The following RIF1 variants were observed in gnomAD, a reference collection of about 807,000 sequenced individuals.
RIF1 encodes telomere-associated protein RIF1.
Under a neutral mutation model 247.1 loss-of-function variants are expected in RIF1, and 45 were observed. The observed-to-expected ratio is 0.18, with a 90% CI of 0.14 to 0.23. The LOEUF (loss-of-function observed/expected upper bound fraction) is 0.23. Among genes scored for constraint, RIF1 ranks in the 10% least tolerant of loss-of-function variants. The pLI is 1.00. For synonymous variants in RIF1, 1,087 were observed against 978.8 expected (o/e 1.11, Z -2.06); for missense variants, 2,967 against 2,862.5 (o/e 1.04, Z -0.83).
In RIF1 at chr2:151,431,579, C is replaced by T. The variant is rs117174208; in HGVS notation, c.926-1498C>T. On this transcript the variant is annotated intron_variant, in intron 9 of 35. Transcript: ENST00000444746. ...GAGGCGGGCAGATCACCTGAGTTCT[C>T]GAGTTAGAGACCAGCCTGACCAACA... 2.3e-3 allele frequency among the ~76,000 whole-genome samples: 352 copies of T among 152,204 alleles called. 9 individuals are homozygous for T. In the East Asian group the frequency reaches 0.046, roughly 20 times the overall value.
intron 6 of RIF1, among the ~76,000 whole-genome samples, chr2:151,418,968 CTT>C (rs36020810): frequency 0.83 from 92,306 of 111,780 alleles, 38,916 homozygotes; most frequent in South Asian, 0.94. Flanking sequence ...GCCTTAAATT[CTT>C]TTTTTTTTTT....
chr2:151,410,563 C>T, intron 2 of RIF1, 36 bp downstream of exon 2: 2 of 1,510,606 alleles, frequency 1.3e-6, no homozygotes, highest in Non-Finnish European at 1.8e-6. Context: ...GAGAGTGGGG[C>T]GCTCTATAGT....
the RIF1 span, among the ~76,000 whole-genome samples, chr2:151,513,330 C>T: frequency 4.7e-4 from 71 of 152,164 alleles, no homozygotes; most frequent in Non-Finnish European, 1.5e-5. Flanking sequence ...CAAACAGCTA[C>T]TTAATTCCTC....
At chr2:151,507,637 A>C (rs921786014) in intron 13 of RIF1, 7 of 218,926 alleles carry the variant, frequency 3.2e-5, no homozygotes, top group Non-Finnish European at 5.5e-5. Context: ...CCATAAAAAT[A>C]CACATATTTC....
chr2:151,464,450 G>C lies in RIF1; in HGVS notation c.4930G>C (p.Asp1644His), dbSNP rs1696622038. The C allele has an allele frequency of 6.2e-7, 1 of 1,613,676 alleles. No individual in the cohort carries two copies. Among genetic ancestry groups the C allele is most frequent in the Non-Finnish European group, 8.5e-7 (1 of 1,179,908 alleles). ...AACTTCAGATTTGTTGCAAGTTCCT[G>C]ATGATTTACCAAATGTGTGTGAGGA... Reference protein sequence around the residue: ...TVTSDLLQVPDDLPNVCEEKN... With the variant: ...TVTSDLLQVPHDLPNVCEEKN... The change falls in exon 30 of 36, where the codon GAT (aspartate) becomes CAT (histidine). Residue 1644 changes from aspartate (D) to histidine (H), a missense_variant. This residue lies in a region of RIF1 where 2,028 missense variants were observed against 1,825.6 expected (regional missense o/e 1.11). Coordinates refer to ENST00000444746, the MANE Select transcript of RIF1 (RefSeq NM_018151.5).
In RIF1 at chr2:151,462,996, A is replaced by C. The variant is rs768266718; in HGVS notation, c.3476A>C (p.Asp1159Ala). The change falls in exon 30 of 36, where the codon GAC (aspartate) becomes GCC (alanine). Residue 1159 changes from aspartate (D) to alanine (A), a missense_variant. This residue lies in a region of RIF1 where 2,028 missense variants were observed against 1,825.6 expected (regional missense o/e 1.11). Coordinates refer to ENST00000444746, the MANE Select transcript of RIF1 (RefSeq NM_018151.5). ...TCGAATAATGAGTGTGGTTCTCTTG[A>C]CAAAACCAGTCCAGAAATGTCAAAC... is the stretch of plus-strand genomic sequence containing the variant. ...SLSNNECGSL[D>A]KTSPEMSNSN... 5 of 1,614,056 alleles carry C rather than the reference A, an allele frequency of 3.1e-6. No homozygotes were observed. Among genetic ancestry groups the C allele is most frequent in the South Asian group, 1.1e-5 (1 of 91,078 alleles).
intron 21 of RIF1, among the ~76,000 whole-genome samples, chr2:151,454,610 G>A (rs1694896359): frequency 6.6e-6 from 1 of 152,084 alleles, no homozygotes; most frequent in Non-Finnish European, 1.5e-5. Context: ...AGTTTGAGAT[G>A]CATTTTATAA....
At chr2:151,466,724 T>TA (rs371718402) in intron 30 of RIF1, among the ~76,000 whole-genome samples, 3 of 152,278 alleles carry the variant, frequency 2.0e-5, no homozygotes, top group South Asian at 2.1e-4. Context: ...AATGAATGAA[T>TA]AAAAAAATAG....
intron 9 of RIF1, chr2:151,494,155 C>T: frequency 6.3e-7 from 1 of 1,597,904 alleles, no homozygotes; most frequent in Non-Finnish European, 8.5e-7. Context: ...TTTCTCAAGA[C>T]AATACCGAGC....
downstream of RIF1, chr2:151,512,609 T>C: frequency 1.3e-6 from 1 of 778,410 alleles, no homozygotes; most frequent in Non-Finnish European, 2.2e-6. Context: ...CCACTGCACC[T>C]GGTGAATCTC....
intron 11 of RIF1, among the ~76,000 whole-genome samples, chr2:151,502,430 T>C (rs2065416118): frequency 6.6e-6 from 1 of 151,814 alleles, no homozygotes; most frequent in African/African-American, 2.4e-5. Flanking sequence ...AAGAATACAT[T>C]AAACAGCCAC....
the RIF1 span, among the ~76,000 whole-genome samples, chr2:151,513,975 G>A: frequency 6.1e-4 from 93 of 152,262 alleles, no homozygotes; most frequent in African/African-American, 1.9e-3. Flanking sequence ...AAAGTAAATT[G>A]TACATCTAGT....
At chr2:151,429,266 C>T (rs889045626) in intron 9 of RIF1, among the ~76,000 whole-genome samples, 22 of 152,206 alleles carry the variant, frequency 1.4e-4, no homozygotes, top group East Asian at 7.7e-4. Context: ...CTGCGACCCC[C>T]GCCTCCCAGG....
chr2:151,452,071 T>A (rs1051537958), intron 21 of RIF1, among the ~76,000 whole-genome samples: 3 of 152,216 alleles, frequency 2.0e-5, no homozygotes, highest in Non-Finnish European at 2.9e-5. Context: ...ATGTTTTTAT[T>A]TGCAAGCCTG....
intron 21 of RIF1, among the ~76,000 whole-genome samples, chr2:151,452,475 A>G (rs1694483565): frequency 6.6e-6 from 1 of 152,232 alleles, no homozygotes; most frequent in Admixed American, 6.5e-5. Flanking sequence ...AAGATTTGCC[A>G]TTGATGAGTT....
chr2:151,445,233 A>G, intron 18 of RIF1, 105 bp from the exon 19 acceptor site: 1 of 718,892 alleles, frequency 1.4e-6, no homozygotes, highest in Non-Finnish European at 2.5e-6. Flanking sequence ...GAATCTCATC[A>G]TTGGGGAACA....
chr2:151,415,647 G>A (rs542127359), intron 4 of RIF1, among the ~76,000 whole-genome samples: 1 of 151,786 alleles, frequency 6.6e-6, no homozygotes, highest in African/African-American at 2.4e-5. Flanking sequence ...GCCGAGGCGG[G>A]TGGATCACCT....
chr2:151,460,479 T>C (rs968338916), intron 26 of RIF1, among the ~76,000 whole-genome samples: 1 of 151,568 alleles, frequency 6.6e-6, no homozygotes, highest in African/African-American at 2.4e-5. Flanking sequence ...TTTTAGAACT[T>C]AATATTTTGA....
At chr2:151,504,992 A>C (rs889527657) in intron 12 of RIF1, among the ~76,000 whole-genome samples, 1 of 152,174 alleles carries the variant, frequency 6.6e-6, no homozygotes, top group African/African-American at 2.4e-5. Context: ...AAGAGACTTC[A>C]CATGTCTACC....
Sources: gnomAD v4.1 joint callset for allele counts (sites outside exome capture counted in the v4.1 genomes callset) on GRCh38, gnomAD v4.1.1 for gene constraint, gnomAD v4.1.1 regional missense constraint, MANE v1.5 for transcripts, NCBI Gene and HGNC (gene_info 2026-07-23, HGNC 2026-07-21) for gene names.